Variants in ATM observed in about 807,000 individuals in gnomAD.
ATM encodes ATM serine/threonine kinase.
ATM carries 308 observed loss-of-function variants against 387.0 expected under a neutral mutation model. That is an observed-to-expected ratio of 0.80 (90% CI 0.73 to 0.87). The LOEUF is 0.87. ATM is among the 40% of genes least tolerant of loss of function. The pLI, the probability that ATM is intolerant of heterozygous loss-of-function variation, is 0.00. For synonymous variants in ATM, 1,156 were observed against 1,187.3 expected (o/e 0.97, Z 0.54); for missense variants, 3,312 against 3,560.9 (o/e 0.93, Z 1.78).
At chr11:108,343,148 C>A (rs2136933701) in intron 56 of ATM, 74 bp from the exon 57 acceptor site, 1 of 1,581,394 alleles carries the variant, frequency 6.3e-7, no homozygotes, top group Non-Finnish European at 8.7e-7. Flanking sequence ...TGCACTGACT[C>A]TGATAGCTGA....
chr11:108,350,376 A>G (rs1273869478), intron 59 of ATM, among the ~76,000 whole-genome samples: 1 of 152,192 alleles, frequency 6.6e-6, no homozygotes, highest in Non-Finnish European at 1.5e-5. Context: ...AATCTCAGTC[A>G]AATTTGAAGA....
At position 108,273,331 on chromosome 11, in the gene ATM, C is replaced by CTTTTTTTTTTTTTTTTTTTTTTT. The variant is rs563140198; in HGVS notation, c.3284+484_3284+506dup. Among the ~76,000 whole-genome samples the CTTTTTTTTTTTTTTTTTTTTTTT allele has an allele frequency of 8.7e-5, 7 of 80,658 alleles. 1 individual carries two copies. The highest frequency in any genetic ancestry group is 4.0e-4 in the African/African-American group (7 of 17,516). The allele number at this position is 80,658 out of a possible 152,430, so 52.9% of individuals were successfully genotyped here. A position where few individuals can be genotyped will look rare whatever the true frequency, so the allele number is the denominator to read the frequency against. On this transcript the variant is annotated intron_variant, in intron 22 of 62. Coordinates refer to ENST00000675843, the MANE Select transcript of ATM (RefSeq NM_000051.4). Reference sequence around the variant, plus strand: ...GGAATAAACATATATTAATTTCATTCTTTTTTTTTTTTTTTTTTTTTTTTT... The same window carrying CTTTTTTTTTTTTTTTTTTTTTTT: ...GGAATAAACATATATTAATTTCATTCTTTTTTTTTTTTTTTTTTTTTTTTTTTTTTTTTTTTTTTTTTTTTTTT...
At chr11:108,277,241 G>A (rs1052889760) in intron 22 of ATM, among the ~76,000 whole-genome samples, 14 of 152,096 alleles carry the variant, frequency 9.2e-5, no homozygotes, top group African/African-American at 2.2e-4. Flanking sequence ...GTCCCAGGTC[G>A]ACTTCAGACT....
rs1453833281 is a variant in ATM, at chr11:108,366,990, C to T, written c.*1482C>T. 1 of 201,818 alleles carries T rather than the reference C, an allele frequency of 5.0e-6. No individual in the cohort carries two copies. The highest frequency in any genetic ancestry group is 1.9e-4 in the South Asian group (1 of 5,272). 12.5% of individuals were successfully genotyped at this position (201,818 alleles called of 1,614,324 possible). A position where few individuals can be genotyped will look rare whatever the true frequency, so the allele number is the denominator to read the frequency against. ...ATATTCACCTCTCTGGTTTTTCATT[C>T]CCCTCATTTTTTTCTGAGACAGAGT... is the stretch of plus-strand genomic sequence containing the variant. On this transcript the variant is annotated 3_prime_UTR_variant, in exon 63 of 63. Transcript: ENST00000675843.
chr11:108,326,116 C>CTT lies in ATM; in HGVS notation c.6867_6868insTT (p.Glu2290LeufsTer21). The stretch of plus-strand genomic sequence containing the variant: ...TACAATTCAGTTAGCTGTGGAGTCT[C>CTT]TGAGTGGCAGCTGGAAGAAGCACAA... On this transcript the variant is annotated frameshift_variant, in exon 47 of 63. Coordinates refer to ENST00000675843, the MANE Select transcript of ATM (RefSeq NM_000051.4). LOFTEE classifies it high-confidence loss of function. 1 of 1,614,124 alleles carries CTT rather than the reference C, an allele frequency of 6.2e-7. No individual in the cohort carries two copies. The highest frequency in any genetic ancestry group is 8.5e-7 in the Non-Finnish European group (1 of 1,180,006).
At chr11:108,262,262 A>G (rs553254051) in intron 16 of ATM, among the ~76,000 whole-genome samples, 1 of 152,252 alleles carries the variant, frequency 6.6e-6, no homozygotes, top group African/African-American at 2.4e-5. Flanking sequence ...AGAGGGAAGC[A>G]CATCAGACTA....
In ATM at chr11:108,252,839, G is replaced by C. The variant is rs779780896; in HGVS notation, c.1825G>C (p.Glu609Gln). ...LHSNFPHLVL[E>Q]KILVSLTMKN... The stretch of plus-strand genomic sequence containing the variant: ...TAGTAATTTTCCTCATCTTGTACTG[G>C]AGAAAATTCTTGTGAGTCTCACTAT... The change falls in exon 12 of 63, where the codon GAG (glutamate) becomes CAG (glutamine). Residue 609 changes from glutamate to glutamine, a missense_variant. Transcript: ENST00000675843. 1 of 1,612,568 alleles carries C rather than the reference G, an allele frequency of 6.2e-7. No individual in the cohort carries two copies. Among genetic ancestry groups the C allele is most frequent in the Non-Finnish European group, 8.5e-7 (1 of 1,179,018 alleles).
chr11:108,299,303 G>A (rs1387803504), intron 33 of ATM, among the ~76,000 whole-genome samples: 1 of 143,910 alleles, frequency 6.9e-6, no homozygotes, highest in Non-Finnish European at 1.5e-5. Flanking sequence ...TTTTAAGGTT[G>A]ATTCTCTCTC....
At position 108,272,824 on chromosome 11, in the gene ATM, C is replaced by G. The variant is rs201780199; in HGVS notation, c.3256C>G (p.Arg1086Gly). ...TCTTGCTGACAATCATCACCAAGTT[C>G]GCATGTTGGCTGCAGAGTCAATCAA... ...QFLADNHHQV[R>G]MLAAESINRL... The change falls in exon 22 of 63, where the codon CGC becomes GGC. Residue 1086 changes from arginine to glycine, a missense_variant. Arg to Gly is a moderately radical substitution (Grantham distance 125, BLOSUM62 -2). This residue lies in a region of ATM where 1,791 missense variants were observed against 1,804.5 expected (regional missense o/e 0.99). Transcript: ENST00000675843. 1 of 1,613,974 alleles carries G rather than the reference C, an allele frequency of 6.2e-7. No homozygotes were observed. Among genetic ancestry groups the G allele is most frequent in the South Asian group, 1.1e-5 (1 of 91,076 alleles).
In ATM at chr11:108,310,273, A is replaced by T. The variant is rs876660515; in HGVS notation, c.5876A>T (p.Glu1959Val). The T allele has an allele frequency of 6.2e-7, 1 of 1,613,636 alleles. No individual in the cohort carries two copies. The highest frequency in any genetic ancestry group is 8.5e-7 in the Non-Finnish European group (1 of 1,179,730). The change falls in exon 39 of 63, where the codon GAA becomes GTA. Residue 1959 changes from glutamate to valine, a missense_variant. Physicochemically the swap from Glu to Val is moderately radical, Grantham distance 121 (BLOSUM62 -2). Coordinates refer to ENST00000675843, the MANE Select transcript of ATM (RefSeq NM_000051.4). ...AAHFTALLYA[E>V]IYADKKSMDD... ...CACTTTACAGCTTTACTCTATGCAG[A>T]AATCTATGCAGATAAGAAAAGTATG...
rs1352526053 is a variant in ATM, at chr11:108,327,756, A to C, written c.7087A>C (p.Lys2363Gln). 1.2e-6 allele frequency: 2 copies of C among 1,612,714 alleles called. No homozygotes were observed. Among genetic ancestry groups the C allele is most frequent in the Non-Finnish European group, 1.7e-6 (2 of 1,178,896 alleles). Residue 2363 changes from lysine to glutamine, a missense_variant and splice_region_variant, in exon 48 of 63, where the codon AAG (lysine) becomes CAG (glutamine). Physicochemically the swap from Lys to Gln is moderately conservative, Grantham distance 53. Transcript: ENST00000675843. ...GGTCATCATGCAGACCTATCTAGAA[A>C]AGGTAAGATTTTTGGAGCAACCCTT... ...PAVIMQTYLE[K>Q]AVEVAGNYDG...
chr11:108,256,479 A>C, intron 14 of ATM, 139 bp downstream of exon 14: 1 of 775,672 alleles, frequency 1.3e-6, no homozygotes, highest in South Asian at 1.8e-5. Flanking sequence ...TGTGAGAAGA[A>C]ATTATACTAT....
chr11:108,262,699 A>C (rs1309185978), intron 16 of ATM, among the ~76,000 whole-genome samples: 4 of 150,726 alleles, frequency 2.7e-5, no homozygotes, highest in African/African-American at 9.7e-5. Flanking sequence ...AAATTGGATA[A>C]AGAGTCAAGA....
At chr11:108,328,891 A>G (rs2085959385) in intron 48 of ATM, 130 bp from the exon 49 acceptor site, 1 of 1,036,364 alleles carries the variant, frequency 9.6e-7, no homozygotes, top group Non-Finnish European at 1.4e-6. Flanking sequence ...AGTTTGCAAT[A>G]GTTCATATAA....
chr11:108,230,035 A>G (rs931573743), intron 4 of ATM: 2 of 152,266 alleles, frequency 1.3e-5, no homozygotes, highest in Admixed American at 6.6e-5. Context: ...TGCCCTCTCT[A>G]CGTCCCTAGC....
intron 22 of ATM, among the ~76,000 whole-genome samples, chr11:108,277,740 G>T (rs1164152967): frequency 1.3e-5 from 2 of 152,154 alleles, no homozygotes; most frequent in Non-Finnish European, 2.9e-5. Flanking sequence ...AATGAGATGA[G>T]CCATCTACCT....
chr11:108,227,570 A>G, intron 1 of ATM, 25 bp from the exon 2 acceptor site: 4 of 1,352,298 alleles, frequency 3.0e-6, no homozygotes, highest in South Asian at 2.3e-5. Flanking sequence ...ATACATATAT[A>G]TACCTATATG....
Position 108,299,700 on chromosome 11 carries a change from A to C in ATM, c.5006-14A>C, listed in dbSNP as rs2083314877. 6.2e-6 allele frequency: 10 copies of C among 1,612,584 alleles called. No homozygotes were observed. The highest frequency in any genetic ancestry group is 1.7e-5 in the Admixed American group (1 of 60,010). Reference sequence around the variant, plus strand: ...TTACCTATGACTCTACTGAAATAGAATTTCTATATGTAGAGGCTGTTGGAA... The same window carrying C: ...TTACCTATGACTCTACTGAAATAGACTTTCTATATGTAGAGGCTGTTGGAA... On this transcript the variant is annotated splice_polypyrimidine_tract_variant and intron_variant, in intron 33 of 62. Coordinates refer to ENST00000675843, the MANE Select transcript of ATM (RefSeq NM_000051.4).
chr11:108,277,595 C>T (rs1342903813), intron 22 of ATM, among the ~76,000 whole-genome samples: 1 of 152,120 alleles, frequency 6.6e-6, no homozygotes, highest in African/African-American at 2.4e-5. Flanking sequence ...CATAGCCCCT[C>T]ACAGCATAGT....
Sources: allele counts gnomAD v4.1 joint callset (sites outside exome capture counted in the v4.1 genomes callset), GRCh38; gene constraint gnomAD v4.1.1; regional missense constraint gnomAD v4.1.1; transcripts MANE v1.5; gene names NCBI Gene and HGNC (gene_info 2026-07-23, HGNC 2026-07-21).